TNIK: variants seen among roughly 807,000 people sequenced by gnomAD.
The protein encoded by TNIK is TRAF2 and NCK interacting kinase, also known as TRAF2 and NCK-interacting protein kinase.
Under a neutral mutation model 191.3 loss-of-function variants are expected in TNIK, and 49 were observed. The observed-to-expected ratio is 0.26, with a 90% confidence interval of 0.20 to 0.32. The LOEUF (loss-of-function observed/expected upper bound fraction) is 0.32, where lower values mean the gene tolerates loss of function less well. Ranked by LOEUF, TNIK falls within the 10% of genes least tolerant of loss-of-function variation. TNIK has a pLI of 1.00. For missense variants in TNIK, 1,155 were observed against 1,702.3 expected, an observed-to-expected ratio of 0.68 and a Z score of 5.66; for synonymous variants, 594 against 600.9, an observed-to-expected ratio of 0.99 and a Z score of 0.17.
intron 2 of TNIK, among the ~76,000 whole-genome samples, chr3:171,333,581 A>G (rs1230574024): frequency 1.9e-5 from 2 of 103,850 alleles, no homozygotes; most frequent in Admixed American, 1.8e-4. Context: ...TCTCAAAAAG[A>G]AAGAAAAAAA....
chr3:171,102,379 A>G (rs1723717904), intron 21 of TNIK, among the ~76,000 whole-genome samples: 1 of 152,176 alleles, frequency 6.6e-6, no homozygotes, highest in African/African-American at 2.4e-5. Flanking sequence ...AAAGGAAGAG[A>G]TAATTTTGAG....
intron 4 of TNIK, among the ~76,000 whole-genome samples, chr3:171,200,580 AC>A (rs1739284482): frequency 6.6e-6 from 1 of 152,170 alleles, no homozygotes; most frequent in Non-Finnish European, 1.5e-5. Context: ...CCTCTCCAGG[AC>A]AATATTTAAG....
chr3:171,362,374 G>A (rs548631204), intron 2 of TNIK, among the ~76,000 whole-genome samples: 21 of 152,032 alleles, frequency 1.4e-4, no homozygotes, highest in African/African-American at 4.6e-4. Flanking sequence ...AAGTATTGTC[G>A]TTTTTGCCAT....
chr3:171,450,128 C>G (rs1391965232), intron 1 of TNIK, among the ~76,000 whole-genome samples: 1 of 152,042 alleles, frequency 6.6e-6, no homozygotes, highest in Admixed American at 6.5e-5. Flanking sequence ...CCTGGAGCCC[C>G]AGGAGTCTTC....
chr3:171,425,131 T>A (rs1440435829), intron 1 of TNIK, among the ~76,000 whole-genome samples: 1 of 152,240 alleles, frequency 6.6e-6, no homozygotes, highest in South Asian at 2.1e-4. Context: ...AATTTATGCA[T>A]GATTAATTTG....
At chr3:171,416,641 T>C (rs1461057722) in intron 1 of TNIK, among the ~76,000 whole-genome samples, 3 of 152,184 alleles carry the variant, frequency 2.0e-5, no homozygotes, top group Admixed American at 2.0e-4. Context: ...GCATTTTCCA[T>C]ATATATCATG....
intron 26 of TNIK, among the ~76,000 whole-genome samples, chr3:171,083,527 G>A (rs1720946518): frequency 6.6e-6 from 1 of 152,192 alleles, no homozygotes; most frequent in Non-Finnish European, 1.5e-5. Flanking sequence ...ATCTCATCAT[G>A]CCTCTCCTGA....
chr3:171,171,358 G>A (rs1260498885), intron 9 of TNIK, among the ~76,000 whole-genome samples: 1 of 152,016 alleles, frequency 6.6e-6, no homozygotes, highest in Non-Finnish European at 1.5e-5. Context: ...ATCAGAACTG[G>A]TGCCTCATAA....
At chr3:171,431,240 T>C (rs978449634) in intron 1 of TNIK, among the ~76,000 whole-genome samples, 1 of 152,034 alleles carries the variant, frequency 6.6e-6, no homozygotes, top group African/African-American at 2.4e-5. Flanking sequence ...ATGCTCCATT[T>C]ATCCCCCATA....
chr3:171,100,396 A>G (rs1204688474), intron 22 of TNIK, among the ~76,000 whole-genome samples: 3 of 152,186 alleles, frequency 2.0e-5, no homozygotes, highest in Non-Finnish European at 4.4e-5. Context: ...AATCGCTTGT[A>G]TGTAATGATG....
At chr3:171,458,587 A>G (rs1189119123) in intron 1 of TNIK, among the ~76,000 whole-genome samples, 1 of 152,244 alleles carries the variant, frequency 6.6e-6, no homozygotes, top group Admixed American at 6.5e-5. Context: ...AGGAGACCAA[A>G]GAGAAAGTAC....
At chr3:171,268,351 C>T (rs1330625611) in intron 2 of TNIK, among the ~76,000 whole-genome samples, 1 of 152,098 alleles carries the variant, frequency 6.6e-6, no homozygotes, top group Admixed American at 6.5e-5. Flanking sequence ...AATATCTGAT[C>T]ATCCTAGCCT....
intron 2 of TNIK, among the ~76,000 whole-genome samples, chr3:171,359,908 A>G (rs762329380): frequency 6.6e-6 from 1 of 152,184 alleles, no homozygotes; most frequent in African/African-American, 2.4e-5. Context: ...CAGAATAGTA[A>G]CTATTGATGG....
chr3:171,441,785 C>T (rs1290193735), intron 1 of TNIK, among the ~76,000 whole-genome samples: 1 of 152,132 alleles, frequency 6.6e-6, no homozygotes, highest in Non-Finnish European at 1.5e-5. Flanking sequence ...ATGAGAGTTC[C>T]AGTTTCTGCA....
intron 2 of TNIK, among the ~76,000 whole-genome samples, chr3:171,323,310 G>C (rs1364132814): frequency 6.6e-6 from 1 of 152,136 alleles, no homozygotes; most frequent in Admixed American, 6.5e-5. Flanking sequence ...TGGGGGGCAG[G>C]AGTAGAAAAT....
intron 2 of TNIK, among the ~76,000 whole-genome samples, chr3:171,271,139 C>G (rs1277161332): frequency 1.3e-5 from 2 of 152,224 alleles, no homozygotes; most frequent in Non-Finnish European, 2.9e-5. Flanking sequence ...CTTATTCTTA[C>G]TGTGCCAGGG....
At chr3:171,256,758 T>C (rs1746931388) in intron 2 of TNIK, among the ~76,000 whole-genome samples, 1 of 152,148 alleles carries the variant, frequency 6.6e-6, no homozygotes, top group African/African-American at 2.4e-5. Context: ...TGGGAGTTTC[T>C]TTTTGACTGC....
chr3:171,209,904 T>C (rs1392504463), intron 4 of TNIK, among the ~76,000 whole-genome samples: 2 of 152,212 alleles, frequency 1.3e-5, no homozygotes, highest in African/African-American at 4.8e-5. Flanking sequence ...ATTGGAAATG[T>C]CTGATGCATT....
intron 2 of TNIK, among the ~76,000 whole-genome samples, chr3:171,241,202 G>C (rs1744944294): frequency 6.6e-6 from 1 of 151,770 alleles, no homozygotes; most frequent in South Asian, 2.1e-4. Flanking sequence ...AGTTAATTTT[G>C]TACTTTTAGT....
Sources: allele counts gnomAD v4.1 joint callset (sites outside exome capture counted in the v4.1 genomes callset), GRCh38; gene constraint gnomAD v4.1.1; transcripts MANE v1.5; gene names NCBI Gene and HGNC (gene_info 2026-07-23, HGNC 2026-07-21).